NRXN3: variants seen among roughly 807,000 people sequenced by gnomAD.
NRXN3 encodes neurexin III.
A neutral mutation model predicts 137.6 loss-of-function variants in NRXN3; 32 were observed. The observed-to-expected ratio is 0.23, with a 90% CI of 0.18 to 0.31. The LOEUF (loss-of-function observed/expected upper bound fraction) is 0.31. Among genes scored for constraint, NRXN3 ranks in the 10% least tolerant of loss-of-function variants. NRXN3 has a pLI of 1.00. For synonymous variants in NRXN3, 798 were observed against 784.5 expected (o/e 1.02, Z -0.29); for missense variants, 1,574 against 2,062.5 (o/e 0.76, Z 4.59).
intron 16 of NRXN3, among the ~76,000 whole-genome samples, chr14:79,528,720 A>G (rs1359628047): frequency 6.6e-6 from 1 of 152,048 alleles, no homozygotes; most frequent in Non-Finnish European, 1.5e-5. Flanking sequence ...AAACAAGTGG[A>G]CCAAAGATAT....
At chr14:79,303,441 A>G (rs1348441900) in intron 15 of NRXN3, among the ~76,000 whole-genome samples, 1 of 152,072 alleles carries the variant, frequency 6.6e-6, no homozygotes, top group Admixed American at 6.6e-5. Flanking sequence ...TGGATAGGTC[A>G]AAGGGCATGA....
intron 4 of NRXN3, among the ~76,000 whole-genome samples, chr14:78,401,362 GCCATATTGGC>G (rs1373590018): frequency 6.6e-6 from 1 of 152,070 alleles, no homozygotes. Context: ...ACATGGTTTT[GCCATATTGGC>G]CAGGCTGATC....
chr14:78,314,612 T>C lies in NRXN3; in HGVS notation c.757+16752T>C, dbSNP rs186536132. ...AACTCAGTCACGTAATCCCATCCAA[T>C]TGCAAAGGAGATTGGGAAATGCAAT... is the stretch of plus-strand genomic sequence containing the variant. On this transcript the variant is annotated intron_variant, in intron 4 of 20. Coordinates refer to ENST00000335750, the MANE Select transcript of NRXN3 (RefSeq NM_001330195.2). Among the ~76,000 whole-genome samples, 3 of 152,228 alleles carry C rather than the reference T, an allele frequency of 2.0e-5. No homozygotes were observed. In the East Asian group the frequency reaches 5.8e-4, roughly 29 times the overall value.
chr14:78,595,322 G>C (rs948269614), intron 4 of NRXN3, among the ~76,000 whole-genome samples: 1 of 152,224 alleles, frequency 6.6e-6, no homozygotes, highest in East Asian at 1.9e-4. Context: ...AAATATCCCA[G>C]TGGTTAAGGA....
chr14:78,889,582 A>G (rs899361145), intron 10 of NRXN3, among the ~76,000 whole-genome samples: 4 of 152,038 alleles, frequency 2.6e-5, no homozygotes, highest in African/African-American at 9.7e-5. Flanking sequence ...CTAAAATTAT[A>G]TGTACATTTA....
At chr14:79,039,284 A>G (rs1157958121) in intron 15 of NRXN3, among the ~76,000 whole-genome samples, 1 of 152,170 alleles carries the variant, frequency 6.6e-6, no homozygotes, top group Admixed American at 6.5e-5. Flanking sequence ...CCATTTGCTC[A>G]GGTCTAATTT....
intron 4 of NRXN3, among the ~76,000 whole-genome samples, chr14:78,390,573 A>G (rs2090618021): frequency 6.6e-6 from 1 of 151,920 alleles, no homozygotes; most frequent in South Asian, 2.1e-4. Context: ...TAGAGCAAAG[A>G]CTCTCTAATC....
intron 15 of NRXN3, among the ~76,000 whole-genome samples, chr14:79,339,649 C>A (rs2092484225): frequency 1.3e-5 from 2 of 152,142 alleles, no homozygotes; most frequent in African/African-American, 4.8e-5. Flanking sequence ...CCTGAAGTGA[C>A]TTGTTTGCAT....
At chr14:79,110,492 T>A (rs182062883) in intron 15 of NRXN3, among the ~76,000 whole-genome samples, 1 of 152,250 alleles carries the variant, frequency 6.6e-6, no homozygotes, top group Non-Finnish European at 1.5e-5. Context: ...TGTCTTTTTA[T>A]TCATTGCTTT....
chr14:79,370,600 G>T (rs2094070520), intron 15 of NRXN3, among the ~76,000 whole-genome samples: 1 of 152,092 alleles, frequency 6.6e-6, no homozygotes, highest in South Asian at 2.1e-4. Context: ...TTACAGGCAT[G>T]AGCCACCGTG....
rs533152648 is a variant in NRXN3, at chr14:79,862,353, C to G, written c.*389C>G. The G allele has an allele frequency of 6.1e-6, 1 of 164,560 alleles. No individual in the cohort carries two copies. The highest frequency in any genetic ancestry group is 2.4e-5 in the African/African-American group (1 of 41,860). The allele number at this position is 164,560 out of a possible 1,614,324, so 10.2% of individuals were successfully genotyped here. On this transcript the variant is annotated 3_prime_UTR_variant, in exon 21 of 21. Coordinates refer to ENST00000335750, the MANE Select transcript of NRXN3 (RefSeq NM_001330195.2). ...TTCATGGCTTACTTGTTCCATAACTCCAAGTGAGTCTGTAATGTTTGTGAA... is the reference window on the plus strand; with the variant it reads ...TTCATGGCTTACTTGTTCCATAACTGCAAGTGAGTCTGTAATGTTTGTGAA...
chr14:78,975,770 C>T (rs2099463219), intron 14 of NRXN3, among the ~76,000 whole-genome samples: 1 of 152,190 alleles, frequency 6.6e-6, no homozygotes, highest in African/African-American at 2.4e-5. Flanking sequence ...ACTCTTTCTC[C>T]TGTTTGCTGC....
chr14:79,439,424 G>A (rs761067333), intron 15 of NRXN3, among the ~76,000 whole-genome samples: 3 of 152,116 alleles, frequency 2.0e-5, no homozygotes, highest in Non-Finnish European at 4.4e-5. Flanking sequence ...TGGCCACCAC[G>A]GTGCCATGCA....
chr14:78,917,282 G>A (rs2099257946), intron 10 of NRXN3, among the ~76,000 whole-genome samples: 1 of 152,084 alleles, frequency 6.6e-6, no homozygotes, highest in African/African-American at 2.4e-5. Context: ...TTTTAGAAGG[G>A]AACAAAAAAC....
In NRXN3 at chr14:78,982,621, TTATACCA is replaced by T. The variant is rs10617194; in HGVS notation, c.3143-5395_3143-5389del. Among the ~76,000 whole-genome samples the T allele has an allele frequency of 0.031, 4,739 of 152,244 alleles. 473 individuals carry two copies. The East Asian group carries it at 0.4, about 13-fold the overall frequency. The stretch of plus-strand genomic sequence containing the variant: ...GCAGAAAAATAAAATTGTACCCTTT[TTATACCA>T]TATACAAACATCATCTCAAAACATA... On this transcript the variant is annotated intron_variant, in intron 14 of 20. Coordinates refer to ENST00000335750, the MANE Select transcript of NRXN3 (RefSeq NM_001330195.2).
At chr14:78,510,769 C>A (rs1367831265) in intron 4 of NRXN3, among the ~76,000 whole-genome samples, 1 of 152,082 alleles carries the variant, frequency 6.6e-6, no homozygotes, top group Admixed American at 6.6e-5. Context: ...CATGGAAATT[C>A]TTTGAGATTC....
rs138948861 is a variant in NRXN3 at position 79,094,948 on chromosome 14, AAGAGAG to A, written c.3262+106834_3262+106839del. On this transcript the variant is annotated intron_variant, in intron 15 of 20. Coordinates refer to ENST00000335750, the MANE Select transcript of NRXN3 (RefSeq NM_001330195.2). ...ATACATTTGGCTTCTGAGAGAGAGAAAGAGAGAGAGAGAGAGAGAGAGAGAGAGAGA... is the reference window on the plus strand; with the variant it reads ...ATACATTTGGCTTCTGAGAGAGAGAAAGAGAGAGAGAGAGAGAGAGAGAGA... 3.6e-3 allele frequency among the ~76,000 whole-genome samples: 480 copies of A among 134,802 alleles called. 3 individuals carry two copies. Among genetic ancestry groups the A allele is most frequent in the African/African-American group, 0.012 (419 of 35,386 alleles). 88.4% of individuals were successfully genotyped at this position (134,802 alleles called of 152,430 possible).
At chr14:79,258,396 G>C (rs967082498) in intron 15 of NRXN3, among the ~76,000 whole-genome samples, 4 of 152,126 alleles carry the variant, frequency 2.6e-5, no homozygotes, top group African/African-American at 4.8e-5. Flanking sequence ...GTAGAGACCA[G>C]GTTTTACCAT....
At chr14:78,696,919 T>A (rs2098231734) in intron 6 of NRXN3, among the ~76,000 whole-genome samples, 1 of 152,062 alleles carries the variant, frequency 6.6e-6, no homozygotes, top group Admixed American at 6.6e-5. Flanking sequence ...TCATCCCAAG[T>A]CTGGGACCCT....
Sources: gnomAD v4.1 joint callset for allele counts (sites outside exome capture counted in the v4.1 genomes callset) on GRCh38, gnomAD v4.1.1 for gene constraint, MANE v1.5 for transcripts, NCBI Gene and HGNC (gene_info 2026-07-23, HGNC 2026-07-21) for gene names.